The following SH3PXD2A variants were observed in gnomAD, a reference collection of about 807,000 sequenced individuals.
SH3PXD2A encodes SH3 and PX domain-containing protein 2A.
In SH3PXD2A, 32 loss-of-function variants were observed where a neutral mutation model predicts 115.2. The observed-to-expected ratio is 0.28, with a 90% CI of 0.21 to 0.37. The LOEUF (loss-of-function observed/expected upper bound fraction) is 0.37. SH3PXD2A is among the 10% of genes least tolerant of loss of function. The pLI is 1.00. For missense variants in SH3PXD2A, 1,328 were observed against 1,498.7 expected, an observed-to-expected ratio of 0.89 and a Z score of 1.88; for synonymous variants, 610 against 629.1, an observed-to-expected ratio of 0.97 and a Z score of 0.45.
At chr10:103,733,307 T>C (rs2134183204) in intron 4 of SH3PXD2A, among the ~76,000 whole-genome samples, 1 of 152,302 alleles carries the variant, frequency 6.6e-6, no homozygotes, top group East Asian at 1.9e-4. Context: ...TAAGATGCTA[T>C]CACTTCCTCC....
At chr10:103,790,234 A>C (rs1463822978) in intron 2 of SH3PXD2A, among the ~76,000 whole-genome samples, 3 of 150,722 alleles carry the variant, frequency 2.0e-5, no homozygotes, top group Non-Finnish European at 3.0e-5. Context: ...GGCTCACTGC[A>C]AGCTCCGCCT....
intron 8 of SH3PXD2A, among the ~76,000 whole-genome samples, chr10:103,651,931 G>A (rs559033347): frequency 1.3e-5 from 2 of 152,300 alleles, no homozygotes; most frequent in South Asian, 4.1e-4. Flanking sequence ...CACTGCCAAC[G>A]GGCCCCGTCA....
chr10:103,822,739 T>C (rs189592960), intron 1 of SH3PXD2A, among the ~76,000 whole-genome samples: 31 of 152,208 alleles, frequency 2.0e-4, no homozygotes, highest in Admixed American at 5.2e-4. Context: ...AACAATCCTC[T>C]AAACCCAAAG....
chr10:103,835,911 T>C (rs1185354636), intron 1 of SH3PXD2A, among the ~76,000 whole-genome samples: 2 of 152,178 alleles, frequency 1.3e-5, no homozygotes, highest in African/African-American at 2.4e-5. Flanking sequence ...CCTTTCAGCA[T>C]GAGCAAAGGC....
In SH3PXD2A at chr10:103,603,349, C is replaced by G. The variant is rs1418680379; in HGVS notation, c.1869G>C (p.Glu623Asp). ...ALEEETIYEN[E>D]GFRPYAEDTL... ...TGTCCTCTGCATATGGCCGGAAGCC[C>G]TCATTCTCATAGATGGTCTCCTCTT... Residue 623 changes from glutamate (E) to aspartate (D), a missense_variant, in exon 15 of 15, where the codon GAG becomes GAC. Around this residue, in one of 5 missense-constraint regions of SH3PXD2A, gnomAD observed 509 missense variants for 628.3 expected, o/e 0.81. Transcript: ENST00000369774. 6.2e-7 allele frequency: 1 copy of G among 1,614,074 alleles called. No homozygotes were observed. Among genetic ancestry groups the G allele is most frequent in the Non-Finnish European group, 8.5e-7 (1 of 1,180,034 alleles).
intron 8 of SH3PXD2A, among the ~76,000 whole-genome samples, chr10:103,651,804 TG>T (rs2037128331): frequency 6.6e-6 from 1 of 152,214 alleles, no homozygotes; most frequent in African/African-American, 2.4e-5. Context: ...TCTCTCCAGG[TG>T]GCCTTGACCT....
rs201542822 is a variant in SH3PXD2A at position 103,601,915 on chromosome 10, C to T, written c.3303G>A (p.Leu1101=). ...ACCACCAGCCATTAGGGTTCCTCTC[C>T]AGAACCTCCATGGACACCCCCTCCT... ...GFQEGVSMEV[L]ERNPNGWWYC... Residue 1101 remains leucine (L), a synonymous_variant, in exon 15 of 15, where the codon CTG becomes CTA. Coordinates refer to ENST00000369774, the MANE Select transcript of SH3PXD2A (RefSeq NM_001394015.1). The T allele has an allele frequency of 2.7e-5, 43 of 1,614,040 alleles. No homozygotes were observed. The African/African-American group carries it at 5.1e-4, about 19-fold the overall frequency.
chr10:103,604,502 G>T (rs1370185923), intron 14 of SH3PXD2A, among the ~76,000 whole-genome samples: 1 of 152,230 alleles, frequency 6.6e-6, no homozygotes, highest in Non-Finnish European at 1.5e-5. Flanking sequence ...AAGTGTGGCT[G>T]CTGGTTGTGC....
chr10:103,818,224 G>C (rs1256250603), intron 1 of SH3PXD2A, among the ~76,000 whole-genome samples: 1 of 152,190 alleles, frequency 6.6e-6, no homozygotes, highest in African/African-American at 2.4e-5. Flanking sequence ...CCACCTCCTA[G>C]AAATCTCCCT....
At chr10:103,649,394 AC>A (rs1328082326) in intron 8 of SH3PXD2A, among the ~76,000 whole-genome samples, 2 of 152,162 alleles carry the variant, frequency 1.3e-5, no homozygotes, top group Non-Finnish European at 2.9e-5. Flanking sequence ...AGCTCCTCTT[AC>A]GCAAAGCCTG....
At chr10:103,843,881 C>G (rs1842812094) in intron 1 of SH3PXD2A, among the ~76,000 whole-genome samples, 1 of 152,178 alleles carries the variant, frequency 6.6e-6, no homozygotes, top group South Asian at 2.1e-4. Context: ...CTATAAAACA[C>G]AGATGATGAC....
chr10:103,675,898 G>A (rs1308262551), intron 6 of SH3PXD2A, among the ~76,000 whole-genome samples: 1 of 152,142 alleles, frequency 6.6e-6, no homozygotes, highest in African/African-American at 2.4e-5. Flanking sequence ...AATTAGCCAG[G>A]CATAGTGGTG....
At chr10:103,672,883 C>T (rs2037482540) in intron 6 of SH3PXD2A, among the ~76,000 whole-genome samples, 1 of 152,234 alleles carries the variant, frequency 6.6e-6, no homozygotes, top group African/African-American at 2.4e-5. Context: ...GTGCTCATGT[C>T]CCTGCCATGG....
chr10:103,724,364 G>T lies in SH3PXD2A; in HGVS notation c.307-3C>A. The T allele has an allele frequency of 6.4e-7, 1 of 1,567,736 alleles. No homozygotes were observed. The highest frequency in any genetic ancestry group is 1.2e-5 in the South Asian group (1 of 84,810). On this transcript the variant is annotated splice_polypyrimidine_tract_variant and splice_region_variant and intron_variant, in intron 4 of 14. Transcript: ENST00000369774. The stretch of plus-strand genomic sequence containing the variant: ...TGGGGGGGCAGCCGGACAAGTGCCT[G>T]TGGAGAGACAGGAAGAAAGGGCATT...
rs116373909 is a variant in SH3PXD2A at position 103,697,287 on chromosome 10, C to T, written c.399-4231G>A. On this transcript the variant is annotated intron_variant, in intron 5 of 14. Transcript: ENST00000369774. ...TGTAGAAAGGGCTTCGCACAGTGGC[C>T]GGCACAGAAACTGCTATAAATTGTC... is the stretch of plus-strand genomic sequence containing the variant. 2.3e-3 allele frequency among the ~76,000 whole-genome samples: 354 copies of T among 152,170 alleles called. 3 individuals carry two copies. The highest frequency in any genetic ancestry group is 8.1e-3 in the African/African-American group (335 of 41,508).
At chr10:103,656,851 CA>C (rs2037220634) in intron 8 of SH3PXD2A, among the ~76,000 whole-genome samples, 1 of 138,678 alleles carries the variant, frequency 7.2e-6, no homozygotes, top group South Asian at 2.4e-4. Context: ...AAAAAATCTA[CA>C]TGGTAAGTAA....
chr10:103,827,201 A>G (rs1165738804), intron 1 of SH3PXD2A, among the ~76,000 whole-genome samples: 1 of 152,124 alleles, frequency 6.6e-6, no homozygotes, highest in Non-Finnish European at 1.5e-5. Flanking sequence ...CATGTACACC[A>G]AGGCGATGTA....
At chr10:103,661,880 G>A (rs1296739323) in intron 7 of SH3PXD2A, 3 of 985,078 alleles carry the variant, frequency 3.0e-6, no homozygotes, top group Admixed American at 1.2e-4. Flanking sequence ...GAAAGTCCCC[G>A]CGCCAGCGGC....
At chr10:103,794,176 A>AT (rs2134255075) in intron 2 of SH3PXD2A, among the ~76,000 whole-genome samples, 1 of 152,270 alleles carries the variant, frequency 6.6e-6, no homozygotes, top group South Asian at 2.1e-4. Context: ...GTGTGACCCC[A>AT]GGGTGGGGTG....
Sources: allele counts gnomAD v4.1 joint callset (sites outside exome capture counted in the v4.1 genomes callset), GRCh38; gene constraint gnomAD v4.1.1; regional missense constraint gnomAD v4.1.1; transcripts MANE v1.5; gene names NCBI Gene and HGNC (gene_info 2026-07-23, HGNC 2026-07-21).